The following ACSF3 variants were observed in gnomAD, a reference collection of about 807,000 sequenced individuals.
ACSF3 encodes the protein acyl-CoA synthetase family member 3, also known as malonate--CoA ligase ACSF3, mitochondrial.
ACSF3 carries 78 observed loss-of-function variants against 53.2 expected under a neutral mutation model. The ratio of observed to expected loss-of-function variants is 1.47; its 90% CI spans 1.22 to 1.77. ACSF3 has a LOEUF of 1.77. ACSF3 is among the 40% of genes most tolerant of loss of function. The pLI, the probability that ACSF3 is intolerant of heterozygous loss-of-function variation, is 0.00. For missense variants in ACSF3, 937 were observed against 771.1 expected (o/e 1.22, Z -2.55); for synonymous variants, 414 against 333.1 (o/e 1.24, Z -2.65).
chr16:89,133,290 G>A, intron 8 of ACSF3, 28 bp downstream of exon 8: 2 of 1,613,610 alleles, frequency 1.2e-6, no homozygotes, highest in South Asian at 1.1e-5. Flanking sequence ...GGGAGTGGAG[G>A]AGACCCCGAG....
intron 6 of ACSF3, among the ~76,000 whole-genome samples, chr16:89,117,368 C>T (rs1905306597): frequency 6.6e-6 from 1 of 152,178 alleles, no homozygotes; most frequent in South Asian, 2.1e-4. Context: ...ACGGTGACCT[C>T]TTCAATGGCC....
At position 89,134,022 on chromosome 16, in the gene ACSF3, G is replaced by A. The variant is rs376674252; in HGVS notation, c.1366+760G>A. On this transcript the variant is annotated intron_variant, in intron 8 of 10. Transcript: ENST00000614302. ...GCTTGGTCCCAGGATCCCACATCCCGCCCCATGGGGCGTATTTGGACAGTG... is the reference window on the plus strand; with the variant it reads ...GCTTGGTCCCAGGATCCCACATCCCACCCCATGGGGCGTATTTGGACAGTG... 1.8e-4 allele frequency among the ~76,000 whole-genome samples: 28 copies of A among 152,320 alleles called. 1 individual carries two copies. The South Asian group carries it at 5.2e-3, about 28-fold the overall frequency.
intron 4 of ACSF3, among the ~76,000 whole-genome samples, chr16:89,110,906 G>C (rs542388246): frequency 6.6e-6 from 1 of 152,090 alleles, no homozygotes. Context: ...TTGCTTTCCC[G>C]TCTGTGGGTC....
intron 6 of ACSF3, 121 bp downstream of exon 6, chr16:89,114,608 G>C: frequency 6.9e-7 from 1 of 1,453,346 alleles, no homozygotes; most frequent in African/African-American, 1.4e-5. Context: ...TCCCCCGTGG[G>C]ACAGGCCACT....
At chr16:89,095,430 T>G (rs2151384524) in intron 1 of ACSF3, 1 of 152,344 alleles carries the variant, frequency 6.6e-6, no homozygotes, top group African/African-American at 2.4e-5. Flanking sequence ...GAATGCAATG[T>G]GAATGTCTGT....
chr16:89,114,793 C>G, intron 6 of ACSF3: 1 of 439,420 alleles, frequency 2.3e-6, no homozygotes, highest in Non-Finnish European at 4.3e-6. Flanking sequence ...GTGCATGTCT[C>G]AGAGGAAGGC....
Position 89,120,868 on chromosome 16 carries a change from C to G in ACSF3, c.1194C>G (p.Ala398=). 1 of 1,614,130 alleles carries G rather than the reference C, an allele frequency of 6.2e-7. No homozygotes were observed. The highest frequency in any genetic ancestry group is 8.5e-7 in the Non-Finnish European group (1 of 1,180,028). The change falls in exon 7 of 11, where the codon GCC becomes GCG. Residue 398 remains alanine, a synonymous_variant. Transcript: ENST00000614302. The part of the protein sequence containing the change: ...RIVSENPQRE[A]CSYTIHAEGD... Reference sequence around the variant, plus strand: ...TCTCAGAAAACCCACAGAGGGAAGCCTGCTCCTACACCATCCACGCAGAGG... The same window carrying G: ...TCTCAGAAAACCCACAGAGGGAAGCGTGCTCCTACACCATCCACGCAGAGG...
Position 89,133,230 on chromosome 16 carries a change from G to C in ACSF3, c.1334G>C (p.Ser445Thr), listed in dbSNP as rs142092069. ...EYWNKPEETK[S>T]AFTLDGWFKT... The stretch of plus-strand genomic sequence containing the variant: ...TGGAATAAACCAGAAGAAACTAAGA[G>C]TGCATTCACCCTGGATGGCTGGTTT... The change falls in exon 8 of 11, where the codon AGT becomes ACT. Residue 445 changes from serine to threonine, a missense_variant. Transcript: ENST00000614302. The C allele has an allele frequency of 6.2e-7, 1 of 1,614,148 alleles. No individual in the cohort carries two copies. The highest frequency in any genetic ancestry group is 8.5e-7 in the Non-Finnish European group (1 of 1,180,016).
chr16:89,145,029 C>A, intron 8 of ACSF3: 1 of 1,117,908 alleles, frequency 8.9e-7, no homozygotes, highest in Non-Finnish European at 1.3e-6. Context: ...ACAGGAAGGG[C>A]AGACCCCACA....
chr16:89,145,092 G>A, intron 8 of ACSF3, 175 bp from the exon 9 acceptor site: 1 of 1,545,162 alleles, frequency 6.5e-7, no homozygotes, highest in Non-Finnish European at 8.8e-7. Flanking sequence ...AGGAATGTGG[G>A]CTTACCTGGC....
At chr16:89,119,232 C>T (rs1010578365) in intron 6 of ACSF3, among the ~76,000 whole-genome samples, 10 of 152,224 alleles carry the variant, frequency 6.6e-5, no homozygotes, top group African/African-American at 2.2e-4. Flanking sequence ...GACGGCCACA[C>T]GGCCTCCCCA....
Position 89,100,892 on chromosome 16 carries a change from C to G in ACSF3, c.211C>G (p.Leu71Val), listed in dbSNP as rs529560098. Reference protein sequence around the residue: ...DQHGRHTYRELYSRSLRLSQE... With the variant: ...DQHGRHTYREVYSRSLRLSQE... ...GCACGGCCGCCACACGTACAGGGAG[C>G]TTTATTCCCGCAGCCTTCGCCTGTC... The change falls in exon 3 of 11, where the codon CTT becomes GTT. Residue 71 changes from leucine to valine, a missense_variant. Leu to Val is a conservative substitution (Grantham distance 32). Transcript: ENST00000614302. The G allele has an allele frequency of 6.2e-6, 10 of 1,613,872 alleles. No homozygotes were observed. The highest frequency in any genetic ancestry group is 3.3e-4 in the Middle Eastern group (2 of 6,062).
intron 7 of ACSF3, among the ~76,000 whole-genome samples, chr16:89,121,221 G>A (rs1045271371): frequency 2.6e-5 from 4 of 152,268 alleles, no homozygotes; most frequent in Admixed American, 6.5e-5. Flanking sequence ...ACAGGCTGAC[G>A]TGGGCCATGA....
At position 89,155,239 on chromosome 16, in the gene ACSF3, G is replaced by A. The variant is rs567380897; in HGVS notation, c.*1032G>A. On this transcript the variant is annotated 3_prime_UTR_variant, in exon 11 of 11. Transcript: ENST00000614302. ...CAGCCTGGGGGAAGTAACAGTCATCGCCCAGCAGTGTCTGGCCTGAACTTA... is the reference window on the plus strand; with the variant it reads ...CAGCCTGGGGGAAGTAACAGTCATCACCCAGCAGTGTCTGGCCTGAACTTA... 5.1e-5 allele frequency: 23 copies of A among 454,136 alleles called. No individual in the cohort carries two copies. Among genetic ancestry groups the A allele is most frequent in the South Asian group, 3.3e-4 (21 of 64,482 alleles). 28.1% of individuals were successfully genotyped at this position (454,136 alleles called of 1,614,324 possible).
intron 10 of ACSF3, among the ~76,000 whole-genome samples, chr16:89,147,281 G>T (rs1463120738): frequency 1.2e-5 from 1 of 83,582 alleles, no homozygotes; most frequent in Admixed American, 1.2e-4. Flanking sequence ...GGAGGGAGGG[G>T]CCACAGTGTG....
chr16:89,150,973 C>T, intron 10 of ACSF3: 2 of 1,282,954 alleles, frequency 1.6e-6, no homozygotes, highest in Non-Finnish European at 2.0e-6. Flanking sequence ...AAGAAGATAT[C>T]CAGGGAGGAA....
At chr16:89,096,836 A>G (rs1226283996) in intron 1 of ACSF3, among the ~76,000 whole-genome samples, 2 of 152,052 alleles carry the variant, frequency 1.3e-5, no homozygotes, top group African/African-American at 2.4e-5. Flanking sequence ...CTCTCCTCAT[A>G]GCGCGTGGGC....
chr16:89,131,127 CTTTTTTT>C (rs558773398), intron 7 of ACSF3, among the ~76,000 whole-genome samples: 13 of 69,562 alleles, frequency 1.9e-4, no homozygotes, highest in Admixed American at 1.4e-3. Context: ...TTTTCTTTTT[CTTTTTTT>C]TTTTTTTTTT....
At chr16:89,111,812 T>C (rs1341988672) in intron 4 of ACSF3, among the ~76,000 whole-genome samples, 5 of 152,208 alleles carry the variant, frequency 3.3e-5, no homozygotes, top group Non-Finnish European at 7.3e-5. Flanking sequence ...TCTGTGTAGC[T>C]GGAAGAGCCT....
Sources: allele counts gnomAD v4.1 joint callset (sites outside exome capture counted in the v4.1 genomes callset), GRCh38; gene constraint gnomAD v4.1.1; transcripts MANE v1.5; gene names NCBI Gene and HGNC (gene_info 2026-07-23, HGNC 2026-07-21).